The following ACSL3 variants were observed in gnomAD, a reference collection of about 807,000 sequenced individuals.
ACSL3 encodes acyl-CoA synthetase long chain family member 3, also known as fatty acid CoA ligase Acsl3.
A neutral mutation model predicts 84.7 loss-of-function variants in ACSL3; 34 were observed. That is an observed-to-expected ratio of 0.40 (90% CI 0.31 to 0.53). ACSL3 has a LOEUF of 0.53. ACSL3 is among the 20% of genes least tolerant of loss of function. The probability of loss-of-function intolerance (pLI) is 0.48; values close to 1 mark genes in which losing one functional copy is unlikely to be tolerated. For synonymous variants in ACSL3, 315 were observed against 299.4 expected, an observed-to-expected ratio of 1.05 and a Z score of -0.54; for missense variants, 680 against 873.1, an observed-to-expected ratio of 0.78 and a Z score of 2.79.
intron 4 of ACSL3, among the ~76,000 whole-genome samples, chr2:222,911,045 C>CTTT (rs781161368): frequency 2.4e-5 from 3 of 123,606 alleles, no homozygotes; most frequent in African/African-American, 5.6e-5. Flanking sequence ...CTGGCACTGC[C>CTTT]TTTTTTTTTT....
intron 16 of ACSL3, among the ~76,000 whole-genome samples, chr2:222,938,169 C>G (rs1385252269): frequency 6.6e-6 from 1 of 152,020 alleles, no homozygotes; most frequent in Non-Finnish European, 1.5e-5. Context: ...TTTTTAAATT[C>G]TATACAGATT....
intron 1 of ACSL3, among the ~76,000 whole-genome samples, chr2:222,887,151 T>C (rs937680067): frequency 6.6e-6 from 1 of 152,260 alleles, no homozygotes; most frequent in Non-Finnish European, 1.5e-5. Context: ...CCTTTTCCAA[T>C]ATGTCATATA....
chr2:222,915,204 C>G (rs920311984), intron 4 of ACSL3, among the ~76,000 whole-genome samples: 2 of 152,170 alleles, frequency 1.3e-5, no homozygotes, highest in African/African-American at 2.4e-5. Context: ...CATTGGAGCT[C>G]CCTGTGCTGA....
chr2:222,888,836 G>A (rs1212015048), intron 2 of ACSL3, among the ~76,000 whole-genome samples: 1 of 152,108 alleles, frequency 6.6e-6, no homozygotes, highest in East Asian at 1.9e-4. Flanking sequence ...TAGATGTGAT[G>A]GAAAAAGGAA....
Position 222,919,211 on chromosome 2 carries a change from C to A in ACSL3, c.805+9C>A. ...AGCCAAGGCCAGCATGGGTATGTTA[C>A]ACTTTTCTAATTCCTTACCTGTGCT... is the stretch of plus-strand genomic sequence containing the variant. On this transcript the variant is annotated intron_variant, in intron 7 of 16. Transcript: ENST00000357430. 6.2e-7 allele frequency: 1 copy of A among 1,613,544 alleles called. No homozygotes were observed. Among genetic ancestry groups the A allele is most frequent in the South Asian group, 1.1e-5 (1 of 90,988 alleles).
chr2:222,928,481 T>C (rs1233891705), intron 12 of ACSL3, among the ~76,000 whole-genome samples: 1 of 152,134 alleles, frequency 6.6e-6, no homozygotes, highest in Non-Finnish European at 1.5e-5. Context: ...TGGGCCCTAA[T>C]GTAAGACAAT....
intron 1 of ACSL3, among the ~76,000 whole-genome samples, chr2:222,879,895 C>A (rs1695547087): frequency 6.6e-6 from 1 of 151,460 alleles, no homozygotes; most frequent in Non-Finnish European, 1.5e-5. Flanking sequence ...CAATAATAAA[C>A]CTTTTTTTTT....
At chr2:222,941,369 T>C (rs1189289711) in intron 16 of ACSL3, 128 bp from the exon 17 acceptor site, 8 of 674,252 alleles carry the variant, frequency 1.2e-5, no homozygotes, top group Middle Eastern at 3.8e-4. Flanking sequence ...ATAGATTCTT[T>C]AGAAGTGACA....
At chr2:222,880,583 C>G (rs758320071) in intron 1 of ACSL3, among the ~76,000 whole-genome samples, 3 of 152,068 alleles carry the variant, frequency 2.0e-5, no homozygotes, top group Non-Finnish European at 4.4e-5. Flanking sequence ...AATCCCAGCA[C>G]TTTGGGAGGC....
intron 1 of ACSL3, among the ~76,000 whole-genome samples, chr2:222,871,936 A>C (rs370126240): frequency 3.0e-4 from 45 of 152,162 alleles, no homozygotes; most frequent in African/African-American, 1.0e-3. Flanking sequence ...CTGTGGCATT[A>C]CTGCTCTTGT....
intron 4 of ACSL3, among the ~76,000 whole-genome samples, chr2:222,912,571 G>A (rs1332812385): frequency 6.6e-6 from 1 of 152,126 alleles, no homozygotes; most frequent in Non-Finnish European, 1.5e-5. Flanking sequence ...AGACTTTTGG[G>A]GATTAACCCC....
intron 2 of ACSL3, among the ~76,000 whole-genome samples, chr2:222,893,229 C>A (rs1050916707): frequency 2.6e-5 from 4 of 152,174 alleles, no homozygotes; most frequent in Non-Finnish European, 5.9e-5. Flanking sequence ...CCTCTGCTGC[C>A]TTTGACTTTG....
intron 1 of ACSL3, among the ~76,000 whole-genome samples, chr2:222,873,751 A>G (rs1163649946): frequency 6.6e-6 from 1 of 152,234 alleles, no homozygotes; most frequent in Non-Finnish European, 1.5e-5. Flanking sequence ...ATAATCTACT[A>G]TATGTACATA....
rs1455880640 is a variant in ACSL3 at position 222,942,506 on chromosome 2, C to CA, written c.*854dup. The CA allele has an allele frequency of 5.2e-6, 1 of 192,888 alleles. No homozygotes were observed. Among genetic ancestry groups the CA allele is most frequent in the African/African-American group, 2.3e-5 (1 of 43,166 alleles). 11.9% of individuals were successfully genotyped at this position (192,888 alleles called of 1,614,324 possible). A position where few individuals can be genotyped will look rare whatever the true frequency, so the allele number is the denominator to read the frequency against. On this transcript the variant is annotated 3_prime_UTR_variant, in exon 17 of 17. Coordinates refer to ENST00000357430, the MANE Select transcript of ACSL3 (RefSeq NM_004457.5). ...GAAAGAGAGGATAGAATTTAAAGAA[C>CA]AAGAGTATATAAAGTTATTCTTTGA...
intron 4 of ACSL3, among the ~76,000 whole-genome samples, chr2:222,913,816 C>T (rs1696504028): frequency 6.6e-6 from 1 of 152,208 alleles, no homozygotes; most frequent in African/African-American, 2.4e-5. Context: ...GTTATATTTA[C>T]TCTACATCTC....
chr2:222,922,831 G>T lies in ACSL3; in HGVS notation c.1080G>T (p.Gln360His), dbSNP rs370161161. Residue 360 changes from glutamine (Q) to histidine (H), a missense_variant and splice_region_variant, in exon 9 of 17, where the codon CAG becomes CAT. By Grantham distance (24) the Gln-to-His change is conservative. Transcript: ENST00000357430. ...GYSSPQTLAD[Q>H]SSKIKKGSKG... ...CTTCACCACAGACTTTAGCAGATCA[G>T]GTAAGTTCAGTGTCTGTGACTTGAA... 6.2e-7 allele frequency: 1 copy of T among 1,613,316 alleles called. No individual in the cohort carries two copies. The highest frequency in any genetic ancestry group is 8.5e-7 in the Non-Finnish European group (1 of 1,179,854).
chr2:222,889,644 A>G (rs16864217), intron 2 of ACSL3, among the ~76,000 whole-genome samples: 1,910 of 152,346 alleles, frequency 0.013, 44 homozygotes, highest in African/African-American at 0.043. Context: ...TGTGAAAGTG[A>G]CCTAGATGAG....
At chr2:222,928,413 T>G (rs1479924603) in intron 12 of ACSL3, among the ~76,000 whole-genome samples, 1 of 152,178 alleles carries the variant, frequency 6.6e-6, no homozygotes, top group Admixed American at 6.5e-5. Context: ...TTCATCATCC[T>G]TTAAGACAGG....
At chr2:222,935,299 TC>T (rs1697142911) in intron 16 of ACSL3, among the ~76,000 whole-genome samples, 1 of 152,134 alleles carries the variant, frequency 6.6e-6, no homozygotes, top group African/African-American at 2.4e-5. Context: ...AAGCGATTCT[TC>T]CCTTCAGCCT....
Sources: allele counts gnomAD v4.1 joint callset (sites outside exome capture counted in the v4.1 genomes callset), GRCh38; gene constraint gnomAD v4.1.1; transcripts MANE v1.5; gene names NCBI Gene and HGNC (gene_info 2026-07-23, HGNC 2026-07-21).